The following POGLUT1 variants were observed in gnomAD, a reference collection of about 807,000 sequenced individuals.
POGLUT1 encodes protein O-glucosyltransferase 1, also known as 9630046K23Rik.
POGLUT1 carries 32 observed loss-of-function variants against 61.3 expected under a neutral mutation model. That is an observed-to-expected ratio of 0.52 (90% CI 0.39 to 0.70). The LOEUF is 0.70. Ranked by LOEUF, POGLUT1 falls within the 30% of genes least tolerant of loss-of-function variation. The pLI, the probability that POGLUT1 is intolerant of heterozygous loss-of-function variation, is 0.00. For missense variants in POGLUT1, 411 were observed against 469.8 expected (o/e 0.87, Z 1.16); for synonymous variants, 158 against 158.2 (o/e 1.00, Z 0.01).
intron 3 of POGLUT1, among the ~76,000 whole-genome samples, chr3:119,473,819 C>A (rs1261855393): frequency 2.6e-5 from 4 of 152,010 alleles, no homozygotes; most frequent in South Asian, 4.2e-4. Context: ...CGCCACCACA[C>A]CTGGCTAATT....
At position 119,469,042 on chromosome 3, in the gene POGLUT1, G is replaced by T. The variant is rs138793779; in HGVS notation, c.21G>T (p.Ser7=). MEWWAS[S]PLRLWLLLFL... ...CGGCGATGGAGTGGTGGGCTAGCTCGCCGCTTCGGCTCTGGCTGCTGTTGT... is the reference window on the plus strand; with the variant it reads ...CGGCGATGGAGTGGTGGGCTAGCTCTCCGCTTCGGCTCTGGCTGCTGTTGT... The change falls in exon 1 of 11, where the codon TCG becomes TCT. Residue 7 remains serine (S), a synonymous_variant. Transcript: ENST00000295588. The T allele has an allele frequency of 1.5e-5, 24 of 1,608,928 alleles. No individual in the cohort carries two copies. The highest frequency in any genetic ancestry group is 1.9e-5 in the Non-Finnish European group (22 of 1,178,826).
intron 7 of POGLUT1, among the ~76,000 whole-genome samples, chr3:119,487,221 G>A (rs1344498416): frequency 3.3e-5 from 5 of 152,178 alleles, no homozygotes; most frequent in Admixed American, 1.3e-4. Context: ...TTTGCAGGTC[G>A]TATGGTCTCT....
rs2081767084 is a variant in POGLUT1, at chr3:119,492,804, A to G, written c.*366A>G. ...TCCATGTGATGATGCCCTTTGTCCC[A>G]TTATTTGGAGCAGAAAATTCGTCAT... On this transcript the variant is annotated 3_prime_UTR_variant, in exon 11 of 11. Transcript: ENST00000295588. The G allele has an allele frequency of 6.4e-6, 1 of 155,280 alleles. No homozygotes were observed. Among genetic ancestry groups the G allele is most frequent in the Non-Finnish European group, 1.4e-5 (1 of 69,954 alleles). 9.6% of individuals were successfully genotyped at this position (155,280 alleles called of 1,614,324 possible).
At chr3:119,477,233 TA>T (rs539190867) in intron 3 of POGLUT1, 79 bp from the exon 4 acceptor site, 20 of 1,393,072 alleles carry the variant, frequency 1.4e-5, no homozygotes, top group Non-Finnish European at 2.0e-5. Flanking sequence ...TGTCTTACTT[TA>T]AAATGTGAAT....
intron 5 of POGLUT1, among the ~76,000 whole-genome samples, chr3:119,485,077 C>A (rs1259093329): frequency 6.6e-6 from 1 of 152,046 alleles, no homozygotes; most frequent in Non-Finnish European, 1.5e-5. Flanking sequence ...ATTAGCCGGG[C>A]GTGGTGGCGG....
chr3:119,492,217 A>C, intron 10 of POGLUT1, 65 bp from the exon 11 acceptor site: 1 of 1,217,934 alleles, frequency 8.2e-7, no homozygotes, highest in Non-Finnish European at 1.2e-6. Flanking sequence ...TGAGCACTCA[A>C]ATGCAGACTG....
intron 4 of POGLUT1, among the ~76,000 whole-genome samples, chr3:119,477,884 G>T (rs1380145669): frequency 2.0e-5 from 3 of 152,212 alleles, no homozygotes; most frequent in Admixed American, 2.0e-4. Flanking sequence ...CATATTCCGG[G>T]GGCCCAGGGT....
intron 10 of POGLUT1, among the ~76,000 whole-genome samples, chr3:119,491,988 A>G (rs1321972933): frequency 1.3e-5 from 2 of 152,146 alleles, no homozygotes; most frequent in African/African-American, 4.8e-5. Context: ...CGGGAGGCGG[A>G]GGTTGCAGTG....
At chr3:119,478,169 A>G (rs6777535) in intron 4 of POGLUT1, 254,377 of 342,012 alleles carry the variant, frequency 0.74, 95,092 homozygotes, top group East Asian at 0.87. Context: ...GGGTGAAGGC[A>G]GGAAGGCTAG....
At chr3:119,491,421 C>A in intron 9 of POGLUT1, 97 bp from the exon 10 acceptor site, 1 of 532,944 alleles carries the variant, frequency 1.9e-6, no homozygotes, top group East Asian at 3.3e-5. Flanking sequence ...ATCCACATAC[C>A]TAAAATTATC....
Position 119,490,695 on chromosome 3 carries a change from CA to C in POGLUT1, c.946del (p.Thr316GlnfsTer13). The C allele has an allele frequency of 6.2e-7, 1 of 1,613,994 alleles. No individual in the cohort carries two copies. Among genetic ancestry groups the C allele is most frequent in the Non-Finnish European group, 8.5e-7 (1 of 1,179,934 alleles). On this transcript the variant is annotated frameshift_variant, in exon 9 of 11. Transcript: ENST00000295588. LOFTEE classifies it high-confidence loss of function. The part of the protein sequence containing the change: ...LKPWVHYIPV[K>X]TDLSNVQELL... ...AGCCATGGGTTCACTATATCCCAGT[CA>C]AAACAGATCTCTCCAATGTCCAGTA...
chr3:119,471,457 G>C lies in POGLUT1; in HGVS notation c.320+5G>C. ...TGACTGCATGTTCCCCTCAAGGTAA[G>C]AGTTAACGAGGTAGATATATCTTCT... On this transcript the variant is annotated splice_donor_5th_base_variant and intron_variant, in intron 3 of 10. Transcript: ENST00000295588. 1 of 1,613,326 alleles carries C rather than the reference G, an allele frequency of 6.2e-7. No individual in the cohort carries two copies. The highest frequency in any genetic ancestry group is 8.5e-7 in the Non-Finnish European group (1 of 1,179,522).
chr3:119,493,472 C>T lies in POGLUT1; in HGVS notation c.*1034C>T, dbSNP rs2081778038. On this transcript the variant is annotated 3_prime_UTR_variant, in exon 11 of 11. Transcript: ENST00000295588. ...GGTAGTAGTTTAATATCTCAGGGTG[C>T]TCTTTCTAACATAGTAAAAAATGAA... The T allele has an allele frequency of 6.6e-6, 1 of 152,094 alleles. No individual in the cohort carries two copies. 9.4% of individuals were successfully genotyped at this position (152,094 alleles called of 1,614,324 possible).
chr3:119,481,967 A>G (rs190991962), intron 5 of POGLUT1, among the ~76,000 whole-genome samples: 5 of 152,150 alleles, frequency 3.3e-5, no homozygotes, highest in Admixed American at 2.6e-4. Context: ...AGGTCTTGCT[A>G]TGTTTCCCAG....
Position 119,485,387 on chromosome 3 carries a change from G to A in POGLUT1, c.638G>A (p.Arg213Lys). The change falls in exon 6 of 11, where the codon AGG becomes AAG. Residue 213 changes from arginine to lysine, a missense_variant and splice_region_variant. Physicochemically the swap from Arg to Lys is conservative, Grantham distance 26. Transcript: ENST00000295588. ...TCTACAGCATATTTCCGAGGATCAA[G>A]GTGAGTTATTTTCTGACATTTTACA... ...KNSTAYFRGS[R>K]TSPERDPLIL... 1 of 1,599,666 alleles carries A rather than the reference G, an allele frequency of 6.3e-7. No individual in the cohort carries two copies. Among genetic ancestry groups the A allele is most frequent in the Non-Finnish European group, 8.6e-7 (1 of 1,167,506 alleles).
intron 8 of POGLUT1, chr3:119,489,968 A>G (rs1310703486): frequency 1.3e-5 from 2 of 153,640 alleles, no homozygotes; most frequent in African/African-American, 2.4e-5. Context: ...CTACCCATCC[A>G]TGGAAAAATT....
At chr3:119,491,344 T>G (rs2081742894) in intron 9 of POGLUT1, among the ~76,000 whole-genome samples, 174 bp from the exon 10 acceptor site, 1 of 150,318 alleles carries the variant, frequency 6.7e-6, no homozygotes, top group Admixed American at 6.6e-5. Flanking sequence ...TGTGTGGGGG[T>G]TTTTTTTTGT....
rs2081430036 is a variant in POGLUT1 at position 119,468,984 on chromosome 3, A to C, written c.-38A>C. The C allele has an allele frequency of 5.7e-6, 9 of 1,568,512 alleles. No individual in the cohort carries two copies. The highest frequency in any genetic ancestry group is 7.8e-6 in the Non-Finnish European group (9 of 1,153,558). On this transcript the variant is annotated 5_prime_UTR_variant, in exon 1 of 11. Coordinates refer to ENST00000295588, the MANE Select transcript of POGLUT1 (RefSeq NM_152305.3). Reference sequence around the variant, plus strand: ...CTTTGTGCGGGGCCGCGCTTCCGCCAGCGCCGCAGCGGGGAATCTGCAGTA... The same window carrying C: ...CTTTGTGCGGGGCCGCGCTTCCGCCCGCGCCGCAGCGGGGAATCTGCAGTA...
At chr3:119,477,479 G>A (rs772129528) in intron 4 of POGLUT1, 31 bp downstream of exon 4, 2 of 1,607,764 alleles carry the variant, frequency 1.2e-6, no homozygotes, top group Non-Finnish European at 1.7e-6. Flanking sequence ...ATGGGTGGAT[G>A]GAGAGTGGTC....
Sources: gnomAD v4.1 joint callset for allele counts (sites outside exome capture counted in the v4.1 genomes callset) on GRCh38, gnomAD v4.1.1 for gene constraint, MANE v1.5 for transcripts, NCBI Gene and HGNC (gene_info 2026-07-23, HGNC 2026-07-21) for gene names.